SRGAP1: variants seen among roughly 807,000 people sequenced by gnomAD.
SRGAP1 encodes the protein SLIT-ROBO Rho GTPase activating protein 1, also known as SLIT-ROBO Rho GTPase-activating protein 1.
SRGAP1 carries 43 observed loss-of-function variants against 121.9 expected under a neutral mutation model. That is an observed-to-expected ratio of 0.35 (90% CI 0.28 to 0.46). The LOEUF (loss-of-function observed/expected upper bound fraction) is 0.46, where lower values mean the gene tolerates loss of function less well. SRGAP1 is among the 20% of genes least tolerant of loss of function. SRGAP1 has a pLI of 1.00. For synonymous variants in SRGAP1, 447 were observed against 485.4 expected (o/e 0.92, Z 1.04); for missense variants, 1,102 against 1,350.9 (o/e 0.82, Z 2.89).
chr12:64,084,819 GCAT>G (rs1324199550), intron 10 of SRGAP1, among the ~76,000 whole-genome samples: 4 of 151,768 alleles, frequency 2.6e-5, no homozygotes, highest in Admixed American at 6.6e-5. Context: ...ATTCTCATTG[GCAT>G]CATTATTGAA....
intron 1 of SRGAP1, among the ~76,000 whole-genome samples, chr12:63,966,168 A>G (rs895824496): frequency 6.6e-6 from 1 of 152,240 alleles, no homozygotes; most frequent in Non-Finnish European, 1.5e-5. Context: ...TGGAATTTGC[A>G]GTACATTAGA....
intron 1 of SRGAP1, among the ~76,000 whole-genome samples, chr12:63,861,982 G>A (rs1899470070): frequency 6.6e-6 from 1 of 152,098 alleles, no homozygotes; most frequent in Admixed American, 6.5e-5. Context: ...TTAGCCAGGT[G>A]TGGTGGCGCA....
At chr12:63,941,219 G>T (rs1462975093) in intron 1 of SRGAP1, among the ~76,000 whole-genome samples, 4 of 151,364 alleles carry the variant, frequency 2.6e-5, no homozygotes, top group Non-Finnish European at 5.9e-5. Flanking sequence ...CCTACTGTTT[G>T]CGCTTTTGCA....
intron 2 of SRGAP1, among the ~76,000 whole-genome samples, chr12:63,987,560 A>G (rs537970796): frequency 6.6e-6 from 1 of 152,216 alleles, no homozygotes; most frequent in East Asian, 1.9e-4. Flanking sequence ...TGTCTCTACT[A>G]AAAATACAAA....
intron 15 of SRGAP1, among the ~76,000 whole-genome samples, chr12:64,108,004 G>A (rs971158159): frequency 2.6e-5 from 4 of 152,130 alleles, no homozygotes; most frequent in South Asian, 2.1e-4. Context: ...CTTCTAGCCC[G>A]CTGACCTTGG....
chr12:64,020,376 C>T (rs1422639251), intron 4 of SRGAP1, among the ~76,000 whole-genome samples: 1 of 151,944 alleles, frequency 6.6e-6, no homozygotes, highest in Non-Finnish European at 1.5e-5. Flanking sequence ...AGGATGGTGG[C>T]ATTAGAGTGG....
chr12:63,885,105 C>A (rs776271503), intron 1 of SRGAP1, among the ~76,000 whole-genome samples: 2 of 152,044 alleles, frequency 1.3e-5, no homozygotes, highest in Non-Finnish European at 1.5e-5. Context: ...CCTCTACTCT[C>A]ACACTACAAC....
intron 1 of SRGAP1, among the ~76,000 whole-genome samples, chr12:63,853,054 T>C (rs911086369): frequency 6.6e-6 from 1 of 151,554 alleles, no homozygotes; most frequent in African/African-American, 2.4e-5. Flanking sequence ...AGTTTCACTC[T>C]TGTTGCCCAG....
chr12:63,954,930 C>G (rs968526297), intron 1 of SRGAP1, among the ~76,000 whole-genome samples: 1 of 152,180 alleles, frequency 6.6e-6, no homozygotes, highest in Non-Finnish European at 1.5e-5. Flanking sequence ...ATTGTCAGTA[C>G]ACTTCCTCCT....
At chr12:64,022,914 A>G (rs2034579512) in intron 4 of SRGAP1, among the ~76,000 whole-genome samples, 1 of 152,166 alleles carries the variant, frequency 6.6e-6, no homozygotes, top group African/African-American at 2.4e-5. Context: ...CCATAAATAA[A>G]TGTATAATAT....
chr12:64,137,717 T>C (rs1261068869), intron 21 of SRGAP1, among the ~76,000 whole-genome samples: 2 of 152,130 alleles, frequency 1.3e-5, no homozygotes, highest in Admixed American at 6.6e-5. Flanking sequence ...TGTCTCACAC[T>C]AGGTTTTATG....
chr12:63,899,390 C>T (rs1900858302), intron 1 of SRGAP1, among the ~76,000 whole-genome samples: 1 of 151,624 alleles, frequency 6.6e-6, no homozygotes, highest in Non-Finnish European at 1.5e-5. Context: ...ACAAATTGTA[C>T]TTTTGTTGTT....
At chr12:64,137,958 A>AAAAG (rs2036881310) in intron 21 of SRGAP1, among the ~76,000 whole-genome samples, 2 of 137,702 alleles carry the variant, frequency 1.5e-5, no homozygotes, top group Admixed American at 1.5e-4. Context: ...TGCTTAAAAA[A>AAAAG]AAAATATATA....
chr12:64,019,109 A>G (rs1298445783), intron 4 of SRGAP1, among the ~76,000 whole-genome samples: 1 of 152,232 alleles, frequency 6.6e-6, no homozygotes, highest in East Asian at 1.9e-4. Context: ...TGAAAATAGT[A>G]GTAGTAGTAA....
intron 15 of SRGAP1, among the ~76,000 whole-genome samples, chr12:64,099,365 G>GC (rs1224779290): frequency 1.1e-4 from 17 of 152,146 alleles, no homozygotes; most frequent in Non-Finnish European, 8.8e-5. Flanking sequence ...TAGTTTTGCA[G>GC]CCCTAACATT....
chr12:63,872,198 C>G (rs1259907705), intron 1 of SRGAP1, among the ~76,000 whole-genome samples: 1 of 152,112 alleles, frequency 6.6e-6, no homozygotes, highest in African/African-American at 2.4e-5. Context: ...TTTTTGTACC[C>G]TAGGTCTACT....
intron 1 of SRGAP1, among the ~76,000 whole-genome samples, chr12:63,845,769 G>A (rs1029330050): frequency 6.6e-6 from 1 of 152,126 alleles, no homozygotes; most frequent in Non-Finnish European, 1.5e-5. Context: ...TGAGGTCTCA[G>A]GAGTAGCTTT....
intron 4 of SRGAP1, among the ~76,000 whole-genome samples, chr12:64,017,283 G>T (rs1454588099): frequency 6.6e-6 from 1 of 152,158 alleles, no homozygotes; most frequent in Non-Finnish European, 1.5e-5. Context: ...TTAAGAAATT[G>T]AAGTATAGAT....
In SRGAP1 at chr12:64,094,912, G is replaced by A. The variant is rs2036123833; in HGVS notation, c.1540-20G>A. On this transcript the variant is annotated intron_variant, in intron 12 of 21. Transcript: ENST00000355086. Reference sequence around the variant, plus strand: ...TATACCTCTCCCTTGAGGTTAACTGGTTTCCATCCCTTTACCCAGGACTCA... The same window carrying A: ...TATACCTCTCCCTTGAGGTTAACTGATTTCCATCCCTTTACCCAGGACTCA... 3 of 1,612,884 alleles carry A rather than the reference G, an allele frequency of 1.9e-6. No individual in the cohort carries two copies. The highest frequency in any genetic ancestry group is 2.5e-6 in the Non-Finnish European group (3 of 1,179,050).
Sources: gnomAD v4.1 joint callset for allele counts (sites outside exome capture counted in the v4.1 genomes callset) on GRCh38, gnomAD v4.1.1 for gene constraint, MANE v1.5 for transcripts, NCBI Gene and HGNC (gene_info 2026-07-23, HGNC 2026-07-21) for gene names.